The following TMEM244 variants were observed in gnomAD, a reference collection of about 807,000 sequenced individuals.
TMEM244 encodes putative transmembrane protein 244.
Under a neutral mutation model 15.8 loss-of-function variants are expected in TMEM244, and 13 were observed. The ratio of observed to expected loss-of-function variants is 0.82; its 90% CI spans 0.53 to 1.30. The LOEUF (loss-of-function observed/expected upper bound fraction) is 1.30, where lower values mean the gene tolerates loss of function less well. Among genes scored for constraint, TMEM244 ranks in the 50% most tolerant of loss-of-function variants. The probability of loss-of-function intolerance (pLI) is 0.00; values close to 1 mark genes in which losing one functional copy is unlikely to be tolerated. For synonymous variants in TMEM244, 45 were observed against 48.7 expected (o/e 0.92, Z 0.32); for missense variants, 161 against 144.9 (o/e 1.11, Z -0.57).
chr6:129,861,305 G>A lies in TMEM244; in HGVS notation c.-117C>T. The A allele has an allele frequency of 1.7e-6, 2 of 1,200,934 alleles. No homozygotes were observed. Among genetic ancestry groups the A allele is most frequent in the South Asian group, 1.3e-5 (1 of 75,904 alleles). The allele number at this position is 1,200,934 out of a possible 1,614,324, so 74.4% of individuals were successfully genotyped here. ...AATTACTCCTGGAGACTAAGTGTGA[G>A]ACGCAGTAGTGCAGGATGATTGGAT... On this transcript the variant is annotated 5_prime_UTR_variant, in exon 1 of 5. Transcript: ENST00000368143.
At chr6:129,859,102 A>T (rs1227767793) in intron 1 of TMEM244, among the ~76,000 whole-genome samples, 2 of 152,090 alleles carry the variant, frequency 1.3e-5, no homozygotes, top group Non-Finnish European at 2.9e-5. Context: ...CCGGAACCAT[A>T]GTCTATTAAT....
intron 1 of TMEM244, among the ~76,000 whole-genome samples, chr6:129,859,569 T>C (rs1201878641): frequency 6.6e-6 from 1 of 152,238 alleles, no homozygotes; most frequent in Non-Finnish European, 1.5e-5. Context: ...TAGTTTAACA[T>C]AGTTAGGAAA....
chr6:129,841,228 G>A (rs1011863321), intron 3 of TMEM244, among the ~76,000 whole-genome samples: 2 of 152,092 alleles, frequency 1.3e-5, no homozygotes, highest in Non-Finnish European at 2.9e-5. Context: ...ATACACCATG[G>A]AACTCTATGC....
intron 1 of TMEM244, among the ~76,000 whole-genome samples, chr6:129,848,184 C>T (rs74352106): frequency 0.029 from 4,432 of 152,178 alleles, 231 homozygotes; most frequent in African/African-American, 0.1. Flanking sequence ...CTAAGACTTG[C>T]ATAGCTTGTG....
At chr6:129,857,746 TA>T (rs1201125739) in intron 1 of TMEM244, among the ~76,000 whole-genome samples, 2 of 151,834 alleles carry the variant, frequency 1.3e-5, no homozygotes, top group African/African-American at 4.8e-5. Flanking sequence ...TATTCTCCAT[TA>T]AGTAATACAC....
At chr6:129,860,774 G>A (rs1454860846) in intron 1 of TMEM244, among the ~76,000 whole-genome samples, 3 of 148,456 alleles carry the variant, frequency 2.0e-5, no homozygotes, top group Admixed American at 1.3e-4. Flanking sequence ...AAAATTTTGC[G>A]CACCCTTTAG....
At chr6:129,856,703 TC>T (rs1776718134) in intron 1 of TMEM244, among the ~76,000 whole-genome samples, 1 of 152,158 alleles carries the variant, frequency 6.6e-6, no homozygotes, top group African/African-American at 2.4e-5. Context: ...CTCTCCTTTT[TC>T]TTTTCTTTAA....
chr6:129,838,102 A>T (rs1451234246), intron 3 of TMEM244, among the ~76,000 whole-genome samples: 1 of 152,196 alleles, frequency 6.6e-6, no homozygotes, highest in African/African-American at 2.4e-5. Context: ...TCTACACCCC[A>T]AATCAATGGA....
intron 4 of TMEM244, among the ~76,000 whole-genome samples, 197 bp downstream of exon 4, chr6:129,833,263 G>C (rs1195786341): frequency 6.6e-6 from 1 of 151,874 alleles, no homozygotes; most frequent in East Asian, 1.9e-4. Flanking sequence ...TTTTAAAAAA[G>C]TTAAAAAAAC....
intron 3 of TMEM244, among the ~76,000 whole-genome samples, chr6:129,837,892 C>G (rs915511749): frequency 6.6e-6 from 1 of 152,188 alleles, no homozygotes; most frequent in African/African-American, 2.4e-5. Context: ...TATATATGCA[C>G]ACAATATAGG....
At chr6:129,851,426 G>A (rs113304034) in intron 1 of TMEM244, among the ~76,000 whole-genome samples, 19 of 152,156 alleles carry the variant, frequency 1.2e-4, no homozygotes, top group African/African-American at 4.6e-4. Flanking sequence ...CTGCCACCAT[G>A]CCCAGCAAAT....
chr6:129,855,645 G>T (rs948655719), intron 1 of TMEM244, among the ~76,000 whole-genome samples: 7 of 152,054 alleles, frequency 4.6e-5, no homozygotes, highest in Non-Finnish European at 8.8e-5. Flanking sequence ...TGGCTCTTTA[G>T]TAACCTACTC....
At chr6:129,843,346 C>T (rs1389790913) in intron 3 of TMEM244, among the ~76,000 whole-genome samples, 184 bp downstream of exon 3, 1 of 152,038 alleles carries the variant, frequency 6.6e-6, no homozygotes, top group African/African-American at 2.4e-5. Context: ...TATTACTCCA[C>T]CTGCATGGAA....
intron 3 of TMEM244, among the ~76,000 whole-genome samples, chr6:129,840,679 A>G (rs1471323641): frequency 2.0e-5 from 3 of 152,348 alleles, no homozygotes; most frequent in Non-Finnish European, 4.4e-5. Context: ...CAATCTGTCC[A>G]TCTGACAAGG....
intron 3 of TMEM244, among the ~76,000 whole-genome samples, chr6:129,838,202 C>T (rs565383501): frequency 6.6e-6 from 1 of 152,144 alleles, no homozygotes; most frequent in Admixed American, 6.5e-5. Flanking sequence ...TGTAAAAGAA[C>T]AGAAATCACA....
In TMEM244 at chr6:129,851,041, C is replaced by G. The variant is rs188073628; in HGVS notation, c.34-5189G>C. Among the ~76,000 whole-genome samples the G allele has an allele frequency of 2.0e-5, 3 of 152,214 alleles. No individual in the cohort carries two copies. The East Asian group carries it at 5.8e-4, about 29-fold the overall frequency. ...CTCATTGTATTCACCCTTCCCTGTA[C>G]CTCACCACTATATGCTTGCAGGAAA... is the stretch of plus-strand genomic sequence containing the variant. On this transcript the variant is annotated intron_variant, in intron 1 of 4. Transcript: ENST00000368143.
chr6:129,832,540 T>A (rs1160888867), intron 4 of TMEM244, among the ~76,000 whole-genome samples: 1 of 152,092 alleles, frequency 6.6e-6, no homozygotes, highest in East Asian at 1.9e-4. Context: ...TAAAAAAAAA[T>A]TAGGCGGTAT....
chr6:129,850,755 G>C (rs897620494), intron 1 of TMEM244, among the ~76,000 whole-genome samples: 3 of 152,104 alleles, frequency 2.0e-5, no homozygotes, highest in Non-Finnish European at 4.4e-5. Context: ...ATTAAAAATA[G>C]AGATGTTTTA....
At chr6:129,842,344 A>T (rs1776502961) in intron 3 of TMEM244, among the ~76,000 whole-genome samples, 1 of 152,196 alleles carries the variant, frequency 6.6e-6, no homozygotes, top group Non-Finnish European at 1.5e-5. Flanking sequence ...AAAGAAAGTT[A>T]AGATAAAGTC....
Sources: gnomAD v4.1 joint callset for allele counts (sites outside exome capture counted in the v4.1 genomes callset) on GRCh38, gnomAD v4.1.1 for gene constraint, MANE v1.5 for transcripts, NCBI Gene and HGNC (gene_info 2026-07-23, HGNC 2026-07-21) for gene names.